The following HLCS variants were observed in gnomAD, a reference collection of about 807,000 sequenced individuals.
The protein encoded by HLCS is biotin--protein ligase.
In HLCS, 53 loss-of-function variants were observed where a neutral mutation model predicts 75.0. The observed-to-expected ratio is 0.71, with a 90% CI of 0.57 to 0.89. The LOEUF is 0.89. Among genes scored for constraint, HLCS ranks in the 40% least tolerant of loss-of-function variants. HLCS has a pLI of 0.00. For synonymous variants in HLCS, 431 were observed against 428.6 expected (o/e 1.01, Z -0.07); for missense variants, 966 against 1,074.0 (o/e 0.90, Z 1.41).
rs914337121 is a variant in HLCS at position 36,962,046 on chromosome 21, G to C, written c.320C>G (p.Ser107Cys). Residue 107 changes from serine (S) to cysteine (C), a missense_variant, in exon 2 of 11, where the codon TCT becomes TGT. Transcript: ENST00000674895. ...AAACATGGTACTCACTGTTTCTGAAGAGGATGATCTCTGTAAATTCTCACT... is the reference window on the plus strand; with the variant it reads ...AAACATGGTACTCACTGTTTCTGAACAGGATGATCTCTGTAAATTCTCACT... ...VQSENLQRSS[S>C]SETIVKWSDC... 7.8e-7 allele frequency: 1 copy of C among 1,288,976 alleles called. No individual in the cohort carries two copies. Among genetic ancestry groups the C allele is most frequent in the African/African-American group, 1.5e-5 (1 of 65,638 alleles). The allele number at this position is 1,288,976 out of a possible 1,614,324, so 79.8% of individuals were successfully genotyped here.
At chr21:36,818,057 G>T (rs931323766) in intron 6 of HLCS, among the ~76,000 whole-genome samples, 1 of 152,070 alleles carries the variant, frequency 6.6e-6, no homozygotes, top group East Asian at 1.9e-4. Context: ...AAGCAGTGTC[G>T]AATTAATTTC....
intron 5 of HLCS, among the ~76,000 whole-genome samples, chr21:36,923,013 G>A (rs1446477171): frequency 1.3e-5 from 2 of 152,214 alleles, no homozygotes; most frequent in Non-Finnish European, 2.9e-5. Flanking sequence ...GCCCGGGAGC[G>A]CCAGACTCAA....
At chr21:36,929,500 G>A (rs905746236) in intron 5 of HLCS, among the ~76,000 whole-genome samples, 1 of 152,206 alleles carries the variant, frequency 6.6e-6, no homozygotes, top group African/African-American at 2.4e-5. Context: ...TGGGATGAGA[G>A]GTATAATTTG....
intron 1 of HLCS, 21 bp downstream of exon 1, chr21:36,966,423 C>CCGGGG: frequency 2.2e-6 from 1 of 458,634 alleles, no homozygotes; most frequent in Non-Finnish European, 2.9e-6. Flanking sequence ...CCCGGGTCGC[C>CCGGGG]CGCCCGCCCG....
chr21:36,888,445 A>AAAAAATAT (rs2064596202), intron 6 of HLCS, among the ~76,000 whole-genome samples: 3 of 24,104 alleles, frequency 1.2e-4, no homozygotes, highest in African/African-American at 3.8e-4. Context: ...AAAAAAAAAA[A>AAAAAATAT]ATATATATAT....
Position 36,831,439 on chromosome 21 carries a change from G to A in HLCS, c.1893-64154C>T, listed in dbSNP as rs150315123. Among the ~76,000 whole-genome samples, 216 of 152,308 alleles carry A rather than the reference G, an allele frequency of 1.4e-3. 2 individuals are homozygous for A. Among genetic ancestry groups the A allele is most frequent in the African/African-American group, 5.0e-3 (208 of 41,566 alleles). ...TCACACCTGTAATCTCAGCACTTTG[G>A]GAGGGCGAGGTGGGCAGATCACTAC... On this transcript the variant is annotated intron_variant, in intron 6 of 10. Transcript: ENST00000674895.
At chr21:36,966,371 G>T (rs2068579936) in intron 1 of HLCS, 73 bp downstream of exon 1, 3 of 666,130 alleles carry the variant, frequency 4.5e-6, no homozygotes, top group Non-Finnish European at 5.6e-6. Flanking sequence ...GGCTCCCGGC[G>T]GGGACGAGGC....
chr21:36,966,494 G>C lies in HLCS; in HGVS notation c.145C>G (p.Arg49Gly). The change falls in exon 1 of 11, where the codon CGC becomes GGC. Residue 49 changes from arginine (R) to glycine (G), a missense_variant. By Grantham distance (125) the Arg-to-Gly change is moderately radical. Transcript: ENST00000674895. ...CGAAAQPPGARVCLSRGGRVF... is the reference protein window; with the variant it reads ...CGAAAQPPGAGVCLSRGGRVF... Reference sequence around the variant, plus strand: ...CGGCCGCCACGGCTCAGGCACACGCGGGCGCCCGGGGGCTGCGCGGCCGCG... The same window carrying C: ...CGGCCGCCACGGCTCAGGCACACGCCGGCGCCCGGGGGCTGCGCGGCCGCG... The C allele has an allele frequency of 6.1e-6, 6 of 976,474 alleles. No individual in the cohort carries two copies. The highest frequency in any genetic ancestry group is 7.2e-6 in the Non-Finnish European group (6 of 828,354). The allele number at this position is 976,474 out of a possible 1,614,324, so 60.5% of individuals were successfully genotyped here.
intron 9 of HLCS, chr21:36,759,223 C>T (rs2089729503): frequency 2.1e-6 from 1 of 470,950 alleles, no homozygotes; most frequent in East Asian, 6.9e-5. Context: ...GAGATTGCCT[C>T]TGAATCCATC....
intron 6 of HLCS, among the ~76,000 whole-genome samples, chr21:36,823,567 G>A (rs145674402): frequency 1.2e-3 from 184 of 150,782 alleles, no homozygotes; most frequent in Non-Finnish European, 2.2e-4. Context: ...CTTAGTCTAC[G>A]AGGAGACTAA....
At chr21:36,771,769 C>T (rs753119545) in intron 6 of HLCS, among the ~76,000 whole-genome samples, 4 of 151,998 alleles carry the variant, frequency 2.6e-5, no homozygotes, top group South Asian at 2.1e-4. Flanking sequence ...GAGGCCGAGA[C>T]GGGCAGATCA....
intron 2 of HLCS, among the ~76,000 whole-genome samples, chr21:36,949,274 T>C (rs1399294991): frequency 5.3e-5 from 8 of 152,266 alleles, no homozygotes; most frequent in Non-Finnish European, 1.0e-4. Flanking sequence ...CCATGTGGCA[T>C]CAGGTAGAGT....
At chr21:36,791,788 A>T (rs1031100651) in intron 6 of HLCS, among the ~76,000 whole-genome samples, 1 of 152,054 alleles carries the variant, frequency 6.6e-6, no homozygotes, top group Non-Finnish European at 1.5e-5. Flanking sequence ...TTTGCTGGAC[A>T]CACAAGGATT....
At chr21:36,939,429 G>A (rs1435850838) in intron 2 of HLCS, among the ~76,000 whole-genome samples, 4 of 152,142 alleles carry the variant, frequency 2.6e-5, no homozygotes, top group African/African-American at 9.7e-5. Flanking sequence ...TGACCTCCCA[G>A]GGAGCACATG....
chr21:36,920,049 G>A (rs940877658), intron 5 of HLCS, among the ~76,000 whole-genome samples: 4 of 152,122 alleles, frequency 2.6e-5, no homozygotes, highest in African/African-American at 7.2e-5. Flanking sequence ...ATTTGGTGAC[G>A]CACCAGGCAC....
At chr21:36,930,570 C>T in intron 4 of HLCS, 137 bp from the exon 5 acceptor site, 1 of 761,394 alleles carries the variant, frequency 1.3e-6, no homozygotes, top group South Asian at 1.8e-5. Context: ...GTCTTGAACT[C>T]CTGGGCTCAA....
At position 36,961,744 on chromosome 21, in the gene HLCS, A is replaced by G. The variant is rs141078715; in HGVS notation, c.330+292T>C. On this transcript the variant is annotated intron_variant, in intron 2 of 10. Transcript: ENST00000674895. ...CGAGGCAGGTGGATCACTTGAGGTC[A>G]GGAGTTCAAGACCAGCCTAGCCAAC... Among the ~76,000 whole-genome samples, 9 of 152,256 alleles carry G rather than the reference A, an allele frequency of 5.9e-5. No homozygotes were observed. The East Asian group carries it at 1.7e-3, about 29-fold the overall frequency.
At position 36,787,604 on chromosome 21, in the gene HLCS, T is replaced by A. The variant is rs186572266; in HGVS notation, c.1893-20319A>T. On this transcript the variant is annotated intron_variant, in intron 6 of 10. Coordinates refer to ENST00000674895, the MANE Select transcript of HLCS (RefSeq NM_001352514.2). Reference sequence around the variant, plus strand: ...GTTTCTTTTCATCATCAAATGGACATGATGGAAAGCTCCTTTGCGGTCTTT... The same window carrying A: ...GTTTCTTTTCATCATCAAATGGACAAGATGGAAAGCTCCTTTGCGGTCTTT... 5.5e-4 allele frequency among the ~76,000 whole-genome samples: 83 copies of A among 152,230 alleles called. No individual in the cohort carries two copies. In the East Asian group the frequency reaches 0.014, roughly 26 times the overall value.
At chr21:36,764,202 T>C (rs2089952886) in intron 8 of HLCS, among the ~76,000 whole-genome samples, 1 of 152,170 alleles carries the variant, frequency 6.6e-6, no homozygotes, top group South Asian at 2.1e-4. Flanking sequence ...ATTGAGACCA[T>C]CCTGGCCAAC....
Sources: allele counts gnomAD v4.1 joint callset (sites outside exome capture counted in the v4.1 genomes callset), GRCh38; gene constraint gnomAD v4.1.1; transcripts MANE v1.5; gene names NCBI Gene and HGNC (gene_info 2026-07-23, HGNC 2026-07-21).